ULK4: variants seen among roughly 807,000 people sequenced by gnomAD.
ULK4 encodes unc-51 like kinase 4.
ULK4 carries 133 observed loss-of-function variants against 160.6 expected under a neutral mutation model. That is an observed-to-expected ratio of 0.83 (90% CI 0.72 to 0.96). The LOEUF (loss-of-function observed/expected upper bound fraction) is 0.96. ULK4 is among the 40% of genes least tolerant of loss of function. ULK4 has a pLI of 0.00. For synonymous variants in ULK4, 534 were observed against 539.8 expected (o/e 0.99, Z 0.15); for missense variants, 1,580 against 1,499.5 (o/e 1.05, Z -0.89).
In ULK4 at chr3:41,401,180, G is replaced by A. The variant is rs1414448608; in HGVS notation, c.3493-2916C>T. 2.0e-5 allele frequency among the ~76,000 whole-genome samples: 3 copies of A among 152,170 alleles called. No individual in the cohort carries two copies. In the East Asian group the frequency reaches 5.8e-4, roughly 29 times the overall value. ...GGTTTTAGCTCTTAGCAATCGTGCT[G>A]TGGTGGCAAGAACAAAAAACTCTTT... On this transcript the variant is annotated intron_variant, in intron 34 of 36. Coordinates refer to ENST00000301831, the MANE Select transcript of ULK4 (RefSeq NM_017886.4).
intron 35 of ULK4, among the ~76,000 whole-genome samples, chr3:41,297,416 A>G (rs2079691469): frequency 6.6e-6 from 1 of 152,224 alleles, no homozygotes; most frequent in Non-Finnish European, 1.5e-5. Context: ...GCATTCCAAC[A>G]TACTGCACTG....
At chr3:41,643,825 C>T (rs2034354222) in intron 30 of ULK4, among the ~76,000 whole-genome samples, 1 of 152,162 alleles carries the variant, frequency 6.6e-6, no homozygotes. Context: ...TACCCATCAG[C>T]ATGGAATGTT....
chr3:41,652,259 C>G (rs1232225605), intron 30 of ULK4, among the ~76,000 whole-genome samples: 1 of 151,950 alleles, frequency 6.6e-6, no homozygotes, highest in African/African-American at 2.4e-5. Context: ...AACATCAAAA[C>G]AAGCTTAGAT....
At chr3:41,837,712 C>T (rs918841206) in intron 17 of ULK4, among the ~76,000 whole-genome samples, 6 of 152,080 alleles carry the variant, frequency 3.9e-5, no homozygotes, top group African/African-American at 1.4e-4. Flanking sequence ...AGGTACACAC[C>T]ACCATGGCCA....
At chr3:41,411,142 C>T (rs777669061) in intron 34 of ULK4, among the ~76,000 whole-genome samples, 25 of 152,144 alleles carry the variant, frequency 1.6e-4, no homozygotes, top group Non-Finnish European at 2.9e-4. Context: ...AAGGGAACTT[C>T]TTGTAAATCA....
At chr3:41,721,581 T>A (rs1356581396) in intron 22 of ULK4, among the ~76,000 whole-genome samples, 2 of 151,440 alleles carry the variant, frequency 1.3e-5, no homozygotes, top group Non-Finnish European at 2.9e-5. Flanking sequence ...TTGGCCAGGC[T>A]GGTCTTCAAC....
intron 32 of ULK4, among the ~76,000 whole-genome samples, chr3:41,483,254 A>T (rs1166963138): frequency 6.6e-6 from 1 of 152,204 alleles, no homozygotes; most frequent in African/African-American, 2.4e-5. Flanking sequence ...AAAATAAGTG[A>T]GAACATGTGA....
Position 41,919,821 on chromosome 3 carries a change from A to G in ULK4, c.542-3T>C. 2 of 1,607,190 alleles carry G rather than the reference A, an allele frequency of 1.2e-6. No individual in the cohort carries two copies. Among genetic ancestry groups the G allele is most frequent in the Non-Finnish European group, 1.7e-6 (2 of 1,174,808 alleles). ...TGGTGCTGTATATACAGGAGATCCT[A>G]AAAGCAAAGTATGAAGAACAGCTCG... On this transcript the variant is annotated splice_region_variant and splice_polypyrimidine_tract_variant and intron_variant, in intron 5 of 36. Coordinates refer to ENST00000301831, the MANE Select transcript of ULK4 (RefSeq NM_017886.4).
intron 18 of ULK4, among the ~76,000 whole-genome samples, chr3:41,824,664 C>T (rs2041279649): frequency 1.3e-5 from 2 of 152,154 alleles, no homozygotes; most frequent in South Asian, 2.1e-4. Flanking sequence ...ACAAAGCAGC[C>T]AGGAAGCTCG....
chr3:41,823,957 G>A (rs1461231407), intron 18 of ULK4, among the ~76,000 whole-genome samples: 2 of 152,134 alleles, frequency 1.3e-5, no homozygotes, highest in Non-Finnish European at 2.9e-5. Flanking sequence ...GAGGTCAGGA[G>A]TTCAAGACCA....
intron 32 of ULK4, among the ~76,000 whole-genome samples, chr3:41,474,688 A>T (rs531454349): frequency 6.6e-6 from 1 of 151,806 alleles, no homozygotes; most frequent in Admixed American, 6.6e-5. Context: ...ACGAACAAGG[A>T]ACTTGAATAG....
At chr3:41,354,064 G>A (rs1216191190) in intron 35 of ULK4, among the ~76,000 whole-genome samples, 1 of 152,090 alleles carries the variant, frequency 6.6e-6, no homozygotes, top group Non-Finnish European at 1.5e-5. Context: ...GCAGAGAGAG[G>A]GCTGAGAAGG....
intron 17 of ULK4, among the ~76,000 whole-genome samples, chr3:41,861,488 G>A (rs2042495921): frequency 6.6e-6 from 1 of 152,142 alleles, no homozygotes; most frequent in Non-Finnish European, 1.5e-5. Context: ...GGGCTTTAAG[G>A]TTTACACTGA....
chr3:41,568,575 C>T lies in ULK4; in HGVS notation c.3121-2445G>A, dbSNP rs150776026. Among the ~76,000 whole-genome samples, 1,136 of 152,234 alleles carry T rather than the reference C, an allele frequency of 7.5e-3. 10 individuals carry two copies. The highest frequency in any genetic ancestry group is 0.034 in the Middle Eastern group (10 of 294). On this transcript the variant is annotated intron_variant, in intron 31 of 36. Coordinates refer to ENST00000301831, the MANE Select transcript of ULK4 (RefSeq NM_017886.4). ...TAATATGTGTTTCTAGGAGATCTGG[C>T]AGAACTCACTCATACAAGCAACTAG...
intron 35 of ULK4, among the ~76,000 whole-genome samples, chr3:41,304,352 C>G (rs79875743): frequency 0.012 from 1,783 of 148,388 alleles, 13 homozygotes; most frequent in Non-Finnish European, 0.019. Context: ...AAACAGTGAA[C>G]AATCTGCCTA....
rs552867958 is a variant in ULK4, at chr3:41,417,432, G to A, written c.3493-19168C>T. ...GAAAATGTGACACAGGTAGCTTTCT[G>A]AGGAGAGATATGGGGTTGGAGGAGG... On this transcript the variant is annotated intron_variant, in intron 34 of 36. Transcript: ENST00000301831. Among the ~76,000 whole-genome samples, 12 of 152,286 alleles carry A rather than the reference G, an allele frequency of 7.9e-5. No homozygotes were observed. The East Asian group carries it at 2.1e-3, about 27-fold the overall frequency.
At chr3:41,413,568 T>C (rs2082456185) in intron 34 of ULK4, among the ~76,000 whole-genome samples, 1 of 152,214 alleles carries the variant, frequency 6.6e-6, no homozygotes, top group African/African-American at 2.4e-5. Flanking sequence ...AGTGTACCTT[T>C]AATGGAGATC....
At chr3:41,409,486 T>C (rs1348797070) in intron 34 of ULK4, among the ~76,000 whole-genome samples, 1 of 152,150 alleles carries the variant, frequency 6.6e-6, no homozygotes, top group Non-Finnish European at 1.5e-5. Context: ...TGATACCTAA[T>C]AAGGGACTTG....
intron 31 of ULK4, among the ~76,000 whole-genome samples, chr3:41,603,686 T>C (rs753878660): frequency 6.6e-6 from 1 of 152,108 alleles, no homozygotes; most frequent in Non-Finnish European, 1.5e-5. Context: ...CTGGTATAGA[T>C]ATTGTACTAT....
Sources: gnomAD v4.1 joint callset for allele counts (sites outside exome capture counted in the v4.1 genomes callset) on GRCh38, gnomAD v4.1.1 for gene constraint, MANE v1.5 for transcripts, NCBI Gene and HGNC (gene_info 2026-07-23, HGNC 2026-07-21) for gene names.